THSD4: variants seen among roughly 807,000 people sequenced by gnomAD.
THSD4 encodes the protein thrombospondin type-1 domain-containing protein 4.
In THSD4, 69 loss-of-function variants were observed where a neutral mutation model predicts 119.0. The observed-to-expected ratio is 0.58, with a 90% CI of 0.48 to 0.71. THSD4 has a LOEUF of 0.71. Ranked by LOEUF, THSD4 falls within the 30% of genes least tolerant of loss-of-function variation. The probability of loss-of-function intolerance (pLI) is 0.00; values close to 1 mark genes in which losing one functional copy is unlikely to be tolerated. For missense variants in THSD4, 1,393 were observed against 1,391.1 expected (o/e 1.00, Z -0.02); for synonymous variants, 524 against 540.4 (o/e 0.97, Z 0.42).
chr15:71,523,211 A>C (rs745334016), intron 7 of THSD4, among the ~76,000 whole-genome samples: 6 of 152,224 alleles, frequency 3.9e-5, no homozygotes, highest in Non-Finnish European at 8.8e-5. Flanking sequence ...CCTGAAATCA[A>C]GAATCAAGGC....
At chr15:71,212,778 C>T (rs1422420912) in intron 3 of THSD4, among the ~76,000 whole-genome samples, 1 of 152,228 alleles carries the variant, frequency 6.6e-6, no homozygotes. Context: ...GACATAAAGT[C>T]TCCTAGGTTC....
At chr15:71,540,649 G>A (rs186619277) in intron 7 of THSD4, among the ~76,000 whole-genome samples, 1,882 of 137,338 alleles carry the variant, frequency 0.014, 31 homozygotes, top group African/African-American at 0.048. Flanking sequence ...GGCTGGTCTC[G>A]AACTCCTGAC....
At chr15:71,474,039 A>G (rs2047622803) in intron 7 of THSD4, among the ~76,000 whole-genome samples, 1 of 152,090 alleles carries the variant, frequency 6.6e-6, no homozygotes, top group Non-Finnish European at 1.5e-5. Flanking sequence ...TATACCTGGA[A>G]CCCTATGACC....
At chr15:71,652,393 G>A (rs922251722) in intron 7 of THSD4, among the ~76,000 whole-genome samples, 3 of 152,160 alleles carry the variant, frequency 2.0e-5, no homozygotes, top group Admixed American at 2.0e-4. Flanking sequence ...GAGGTTTCTA[G>A]TATTCTATAC....
intron 6 of THSD4, among the ~76,000 whole-genome samples, chr15:71,309,225 C>T (rs1010467677): frequency 6.6e-6 from 1 of 152,328 alleles, no homozygotes; most frequent in African/African-American, 2.4e-5. Flanking sequence ...GCTAGGATTA[C>T]AGGCATAAGA....
At chr15:71,736,686 T>C (rs1004269931) in intron 10 of THSD4, among the ~76,000 whole-genome samples, 4 of 152,052 alleles carry the variant, frequency 2.6e-5, no homozygotes, top group African/African-American at 4.8e-5. Context: ...CTCTCTCTCT[T>C]TCTCTCTCTC....
rs1413815797 is a variant in THSD4 at position 71,171,575 on chromosome 15, T to C, written c.99+16643T>C. 3.9e-5 allele frequency among the ~76,000 whole-genome samples: 6 copies of C among 152,196 alleles called. No homozygotes were observed. The East Asian group carries it at 1.2e-3, about 29-fold the overall frequency. ...GGAAATATGGATCTTCTCAAAGGAA[T>C]GACTGCACCAGAAATGATAGCTACA... is the stretch of plus-strand genomic sequence containing the variant. On this transcript the variant is annotated intron_variant, in intron 3 of 17. Transcript: ENST00000261862.
At chr15:71,596,202 A>G (rs1374477504) in intron 7 of THSD4, among the ~76,000 whole-genome samples, 1 of 152,058 alleles carries the variant, frequency 6.6e-6, no homozygotes, top group Non-Finnish European at 1.5e-5. Context: ...TGTTGGGGCG[A>G]CTTCTATTTT....
chr15:71,751,918 C>T (rs1454768526), intron 14 of THSD4, among the ~76,000 whole-genome samples: 1 of 152,186 alleles, frequency 6.6e-6, no homozygotes, highest in Non-Finnish European at 1.5e-5. Context: ...CTCTTCTTAT[C>T]TCTGTAAAAT....
intron 6 of THSD4, among the ~76,000 whole-genome samples, chr15:71,278,955 A>C (rs1596310818): frequency 6.6e-6 from 1 of 152,244 alleles, no homozygotes; most frequent in Non-Finnish European, 1.5e-5. Flanking sequence ...TTATCCCAGG[A>C]AACAGCTTTC....
At chr15:71,764,185 G>A (rs7170897) in intron 15 of THSD4, among the ~76,000 whole-genome samples, 4,348 of 152,266 alleles carry the variant, frequency 0.029, 206 homozygotes, top group African/African-American at 0.1. Context: ...GGTTGAGGCC[G>A]CAGTGAGCCA....
At chr15:71,491,600 G>C (rs1282360363) in intron 7 of THSD4, among the ~76,000 whole-genome samples, 1 of 152,184 alleles carries the variant, frequency 6.6e-6, no homozygotes, top group Non-Finnish European at 1.5e-5. Context: ...GGCCCAGCAT[G>C]GTGGCTCACG....
intron 1 of THSD4, among the ~76,000 whole-genome samples, chr15:71,120,280 A>G (rs1421377801): frequency 1.3e-5 from 2 of 152,086 alleles, no homozygotes; most frequent in African/African-American, 4.8e-5. Context: ...AACCCATGGA[A>G]CAAGAGGCAG....
chr15:71,242,637 A>G lies in THSD4; in HGVS notation c.465-12A>G, dbSNP rs761093998. On this transcript the variant is annotated splice_polypyrimidine_tract_variant and intron_variant, in intron 4 of 17. Coordinates refer to ENST00000261862, the MANE Select transcript of THSD4 (RefSeq NM_024817.3). ...ACTCTGATCATCTCCTCTCTTGTCT[A>G]TCTCTCTTTAGGAGCAGGACCCGTG... is the stretch of plus-strand genomic sequence containing the variant. 1.9e-6 allele frequency: 3 copies of G among 1,609,380 alleles called. No individual in the cohort carries two copies. The highest frequency in any genetic ancestry group is 1.7e-5 in the Admixed American group (1 of 59,836).
At chr15:71,285,249 A>G (rs1387576306) in intron 6 of THSD4, among the ~76,000 whole-genome samples, 2 of 152,240 alleles carry the variant, frequency 1.3e-5, no homozygotes, top group Admixed American at 6.5e-5. Flanking sequence ...AGCAAAGATC[A>G]TTAAATGGAC....
At chr15:71,305,400 C>G (rs1243148454) in intron 6 of THSD4, among the ~76,000 whole-genome samples, 1 of 152,142 alleles carries the variant, frequency 6.6e-6, no homozygotes, top group Admixed American at 6.5e-5. Context: ...CAAGATCACC[C>G]CCAGGAGTTG....
intron 6 of THSD4, among the ~76,000 whole-genome samples, chr15:71,335,187 G>T (rs556086160): frequency 1.5e-4 from 23 of 152,188 alleles, no homozygotes; most frequent in Non-Finnish European, 2.9e-4. Flanking sequence ...CATGTGAGGT[G>T]CTTAGAGCAG....
At chr15:71,252,772 G>A (rs2044274115) in intron 5 of THSD4, among the ~76,000 whole-genome samples, 2 of 152,190 alleles carry the variant, frequency 1.3e-5, no homozygotes, top group Non-Finnish European at 2.9e-5. Flanking sequence ...TGTACAATGG[G>A]TATAATAGTT....
intron 8 of THSD4, among the ~76,000 whole-genome samples, chr15:71,707,470 A>C (rs1266806755): frequency 6.6e-6 from 1 of 152,242 alleles, no homozygotes; most frequent in Non-Finnish European, 1.5e-5. Context: ...TATCAAAAGA[A>C]CAAGAACATT....
Sources: gnomAD v4.1 joint callset for allele counts (sites outside exome capture counted in the v4.1 genomes callset) on GRCh38, gnomAD v4.1.1 for gene constraint, MANE v1.5 for transcripts, NCBI Gene and HGNC (gene_info 2026-07-23, HGNC 2026-07-21) for gene names.